CTR9: variants seen among roughly 807,000 people sequenced by gnomAD.
CTR9 encodes RNA polymerase-associated protein CTR9 homolog.
A neutral mutation model predicts 152.1 loss-of-function variants in CTR9; 41 were observed. That is an observed-to-expected ratio of 0.27 (90% CI 0.21 to 0.35). The LOEUF (loss-of-function observed/expected upper bound fraction) is 0.35, where lower values mean the gene tolerates loss of function less well. Ranked by LOEUF, CTR9 falls within the 10% of genes least tolerant of loss-of-function variation. The pLI is 1.00. For missense variants in CTR9, 917 were observed against 1,424.4 expected, an observed-to-expected ratio of 0.64 and a Z score of 5.73; for synonymous variants, 476 against 496.2, an observed-to-expected ratio of 0.96 and a Z score of 0.54.
At chr11:10,764,794 T>G (rs561204297) in intron 12 of CTR9, 63 bp downstream of exon 12, 4 of 1,409,930 alleles carry the variant, frequency 2.8e-6, no homozygotes, top group African/African-American at 2.9e-5. Flanking sequence ...CAGCAAAAAT[T>G]TAGCCTGAAA....
At chr11:10,777,379 C>A (rs1288310637) in intron 24 of CTR9, among the ~76,000 whole-genome samples, 1 of 151,450 alleles carries the variant, frequency 6.6e-6, no homozygotes, top group Non-Finnish European at 1.5e-5. Context: ...GCAAGTGAGA[C>A]AGAAATTTTA....
At chr11:10,755,638 T>C in intron 3 of CTR9, 40 bp from the exon 4 acceptor site, 1 of 1,277,940 alleles carries the variant, frequency 7.8e-7, no homozygotes, top group Non-Finnish European at 1.1e-6. Flanking sequence ...ATGTTCATGG[T>C]ATATAGGGGT....
At chr11:10,752,941 G>T (rs372687739) in intron 2 of CTR9, among the ~76,000 whole-genome samples, 171 bp downstream of exon 2, 1 of 152,164 alleles carries the variant, frequency 6.6e-6, no homozygotes, top group Admixed American at 6.5e-5. Context: ...TTTCCTAAAT[G>T]ATATGCTGCT....
chr11:10,775,404 C>T (rs571712911), intron 23 of CTR9, 101 bp downstream of exon 23: 5 of 1,400,340 alleles, frequency 3.6e-6, no homozygotes, highest in East Asian at 2.4e-5. Context: ...AGCACAAATG[C>T]TTGTTTTCAA....
At chr11:10,754,128 A>T (rs1035642523) in intron 2 of CTR9, among the ~76,000 whole-genome samples, 1 of 152,176 alleles carries the variant, frequency 6.6e-6, no homozygotes, top group African/African-American at 2.4e-5. Flanking sequence ...CCACTACAGC[A>T]TCCCAAGTAG....
Position 10,766,469 on chromosome 11 carries a change from G to A in CTR9, c.1665G>A (p.Lys555=). ...GNFYEASDWF[K]EALQINQDHP... ...TTTATGAGGCTTCAGATTGGTTTAAGGAAGCTCTTCAGATTAATCAGGTTG... is the reference window on the plus strand; with the variant it reads ...TTTATGAGGCTTCAGATTGGTTTAAAGAAGCTCTTCAGATTAATCAGGTTG... Residue 555 remains lysine, a synonymous_variant, in exon 13 of 25, where the codon AAG becomes AAA. Transcript: ENST00000361367. 1 of 1,607,906 alleles carries A rather than the reference G, an allele frequency of 6.2e-7. No homozygotes were observed. The highest frequency in any genetic ancestry group is 8.5e-7 in the Non-Finnish European group (1 of 1,178,348).
At chr11:10,756,617 T>C in intron 4 of CTR9, 132 bp from the exon 5 acceptor site, 1 of 563,388 alleles carries the variant, frequency 1.8e-6, no homozygotes, top group Non-Finnish European at 3.0e-6. Context: ...AAATTTTTAA[T>C]ATGAAATTTT....
intron 12 of CTR9, 165 bp from the exon 13 acceptor site, chr11:10,766,237 C>A (rs1863057331): frequency 1.6e-6 from 1 of 606,210 alleles, no homozygotes; most frequent in Non-Finnish European, 2.8e-6. Context: ...CAAAATTATT[C>A]TTTAACTTGT....
Position 10,776,740 on chromosome 11 carries a change from A to G in CTR9, c.3095+1107A>G, listed in dbSNP as rs180721072. ...GTAATCCCAGCACTTTGAGAGGCCAACGTGGGCGGATCACTTGAGGCCAGG... is the reference window on the plus strand; with the variant it reads ...GTAATCCCAGCACTTTGAGAGGCCAGCGTGGGCGGATCACTTGAGGCCAGG... On this transcript the variant is annotated intron_variant, in intron 24 of 24. Transcript: ENST00000361367. 2.8e-4 allele frequency among the ~76,000 whole-genome samples: 42 copies of G among 152,262 alleles called. No homozygotes were observed. In the East Asian group the frequency reaches 7.7e-3, roughly 28 times the overall value.
intron 15 of CTR9, 90 bp downstream of exon 15, chr11:10,768,251 T>C (rs1393797970): frequency 6.1e-5 from 96 of 1,571,028 alleles, no homozygotes; most frequent in Non-Finnish European, 8.3e-5. Flanking sequence ...TCTTAAAATG[T>C]GATCAATGTA....
At chr11:10,773,092 C>T (rs2135382214) in intron 20 of CTR9, 35 bp from the exon 21 acceptor site, 2 of 1,575,026 alleles carry the variant, frequency 1.3e-6, no homozygotes, top group Non-Finnish European at 1.7e-6. Context: ...AGAAAATTTG[C>T]AGTGGGGTTT....
chr11:10,771,629 T>C lies in CTR9; in HGVS notation c.2444+13T>C, dbSNP rs372623279. 6.3e-7 allele frequency: 1 copy of C among 1,598,460 alleles called. No homozygotes were observed. Among genetic ancestry groups the C allele is most frequent in the East Asian group, 2.2e-5 (1 of 44,780 alleles). On this transcript the variant is annotated intron_variant, in intron 19 of 24. Coordinates refer to ENST00000361367, the MANE Select transcript of CTR9 (RefSeq NM_014633.5). ...CTACAGAAGCCAGGTAATGTTACTA[T>C]TTATGGAAGGTGACTTTGGGTGAGG...
In CTR9 at chr11:10,779,029, A is replaced by T. The variant is rs750112805; in HGVS notation, c.3446A>T (p.Asn1149Ile). Reference protein sequence around the residue: ...DNEGSGQGSGNESEPEGSNNE... With the variant: ...DNEGSGQGSGIESEPEGSNNE... The stretch of plus-strand genomic sequence containing the variant: ...GAGGGTTCTGGCCAAGGCTCTGGAA[A>T]TGAATCGGAACCAGAGGGATCCAAC... Residue 1149 changes from asparagine (N) to isoleucine (I), a missense_variant, in exon 25 of 25, where the codon AAT becomes ATT. Physicochemically the swap from Asn to Ile is moderately radical, Grantham distance 149 (BLOSUM62 -3). Around this residue, in one of 9 missense-constraint regions of CTR9, gnomAD observed 384 missense variants for 398.4 expected, o/e 0.96. Transcript: ENST00000361367. 1.9e-6 allele frequency: 3 copies of T among 1,614,090 alleles called. No homozygotes were observed. Among genetic ancestry groups the T allele is most frequent in the African/African-American group, 1.3e-5 (1 of 74,944 alleles).
At position 10,774,326 on chromosome 11, in the gene CTR9, C is replaced by T. The variant is rs763569053; in HGVS notation, c.2885+157C>T. The stretch of plus-strand genomic sequence containing the variant: ...CCTACTTTAATCCTAAGATAGACCC[C>T]AGTACAAAATCCACTGAGTACCTGG... On this transcript the variant is annotated intron_variant, in intron 22 of 24. Coordinates refer to ENST00000361367, the MANE Select transcript of CTR9 (RefSeq NM_014633.5). The T allele has an allele frequency of 1.1e-5, 9 of 819,734 alleles. No homozygotes were observed. The East Asian group carries it at 1.4e-4, about 13-fold the overall frequency. The allele number at this position is 819,734 out of a possible 1,614,324, so 50.8% of individuals were successfully genotyped here. A position where few individuals can be genotyped will look rare whatever the true frequency, so the allele number is the denominator to read the frequency against.
intron 5 of CTR9, among the ~76,000 whole-genome samples, chr11:10,757,420 A>T (rs548366085): frequency 6.6e-6 from 1 of 152,092 alleles, no homozygotes. Flanking sequence ...GGAGACCCCC[A>T]TCTCTACAGA....
At position 10,763,457 on chromosome 11, in the gene CTR9, C is replaced by T; in HGVS notation, c.876C>T (p.Ala292=). ...KKDYSKVQHL[A]LHAFHNTEVE... ...ATTATAGTAAAGTCCAGCATCTGGCCCTCCATGCATTCCATAATACAGAAG... is the reference window on the plus strand; with the variant it reads ...ATTATAGTAAAGTCCAGCATCTGGCTCTCCATGCATTCCATAATACAGAAG... Residue 292 remains alanine (A), a synonymous_variant, in exon 8 of 25, where the codon GCC becomes GCT. Transcript: ENST00000361367. The T allele has an allele frequency of 6.2e-7, 1 of 1,612,426 alleles. No homozygotes were observed. The highest frequency in any genetic ancestry group is 1.1e-5 in the South Asian group (1 of 90,846).
chr11:10,760,099 A>G, intron 5 of CTR9, 74 bp from the exon 6 acceptor site: 1 of 1,531,614 alleles, frequency 6.5e-7, no homozygotes. Context: ...ATAAATAGAG[A>G]ATGTTTAAGC....
intron 15 of CTR9, 66 bp from the exon 16 acceptor site, chr11:10,768,277 A>C: frequency 6.3e-7 from 1 of 1,576,186 alleles, no homozygotes; most frequent in South Asian, 1.2e-5. Flanking sequence ...TTTAAAATAG[A>C]ATTTTTAGTT....
chr11:10,772,705 A>G (rs1451019505), intron 20 of CTR9, 50 bp downstream of exon 20: 16 of 1,507,608 alleles, frequency 1.1e-5, no homozygotes, highest in Non-Finnish European at 1.4e-5. Flanking sequence ...GTGTGCATGC[A>G]TACACTTTGT....
Sources: allele counts gnomAD v4.1 joint callset (sites outside exome capture counted in the v4.1 genomes callset), GRCh38; gene constraint gnomAD v4.1.1; regional missense constraint gnomAD v4.1.1; transcripts MANE v1.5; gene names NCBI Gene and HGNC (gene_info 2026-07-23, HGNC 2026-07-21).